The following CCDC88C variants were observed in gnomAD, a reference collection of about 807,000 sequenced individuals.
CCDC88C encodes coiled-coil and HOOK domain protein 88C.
In CCDC88C, 131 loss-of-function variants were observed where a neutral mutation model predicts 198.8. That is an observed-to-expected ratio of 0.66 (90% CI 0.57 to 0.76). The LOEUF is 0.76. Ranked by LOEUF, CCDC88C falls within the 30% of genes least tolerant of loss-of-function variation. The pLI is 0.00. For missense variants in CCDC88C, 2,553 were observed against 2,631.6 expected, an observed-to-expected ratio of 0.97 and a Z score of 0.65; for synonymous variants, 1,166 against 1,114.7, an observed-to-expected ratio of 1.05 and a Z score of -0.92.
intron 3 of CCDC88C, among the ~76,000 whole-genome samples, chr14:91,395,190 T>C (rs768206368): frequency 3.3e-5 from 5 of 152,126 alleles, no homozygotes; most frequent in Admixed American, 6.5e-5. Flanking sequence ...TGTTTTTCCA[T>C]TTCTATTTGG....
chr14:91,389,799 G>T (rs1309353282), intron 3 of CCDC88C, among the ~76,000 whole-genome samples: 2 of 151,870 alleles, frequency 1.3e-5, no homozygotes, highest in Middle Eastern at 3.4e-3. Context: ...TTGGCCAGGC[G>T]CGGTGGCTCA....
rs1596183857 is a variant in CCDC88C, at chr14:91,417,739, T to A, written c.-49A>T. Reference sequence around the variant, plus strand: ...CGCGCCCCCCGCCCCGCGTCCCCGTTCCCCCGCGCCGCGGCACAAAACGGC... The same window carrying A: ...CGCGCCCCCCGCCCCGCGTCCCCGTACCCCCGCGCCGCGGCACAAAACGGC... On this transcript the variant is annotated 5_prime_UTR_variant, in exon 1 of 30. Coordinates refer to ENST00000389857, the MANE Select transcript of CCDC88C (RefSeq NM_001080414.4). 3 of 1,422,752 alleles carry A rather than the reference T, an allele frequency of 2.1e-6. No homozygotes were observed. In the South Asian group the frequency reaches 4.0e-5, roughly 19 times the overall value. The allele number at this position is 1,422,752 out of a possible 1,614,324, so 88.1% of individuals were successfully genotyped here.
chr14:91,392,428 G>A (rs1027128416), intron 3 of CCDC88C, among the ~76,000 whole-genome samples: 8 of 152,122 alleles, frequency 5.3e-5, no homozygotes, highest in Non-Finnish European at 1.2e-4. Flanking sequence ...GGCTAGAGGA[G>A]GAGAACCTTT....
chr14:91,409,688 A>AT (rs1461767961), intron 2 of CCDC88C, among the ~76,000 whole-genome samples: 1 of 151,778 alleles, frequency 6.6e-6, no homozygotes, highest in African/African-American at 2.4e-5. Context: ...GGGTTTCACC[A>AT]TGTTGGCCAG....
At chr14:91,337,074 G>A (rs1893081026) in intron 10 of CCDC88C, among the ~76,000 whole-genome samples, 1 of 152,202 alleles carries the variant, frequency 6.6e-6, no homozygotes, top group Non-Finnish European at 1.5e-5. Flanking sequence ...CTTGGAATAG[G>A]CAATGGGAAA....
rs753911748 is a variant in CCDC88C at position 91,417,740 on chromosome 14, C to T, written c.-50G>A. The T allele has an allele frequency of 2.0e-5, 29 of 1,426,552 alleles. 1 individual carries two copies. In the East Asian group the frequency reaches 7.6e-4, roughly 37 times the overall value. 88.4% of individuals were successfully genotyped at this position (1,426,552 alleles called of 1,614,324 possible). On this transcript the variant is annotated 5_prime_UTR_variant, in exon 1 of 30. Transcript: ENST00000389857. ...GCGCCCCCCGCCCCGCGTCCCCGTT[C>T]CCCCGCGCCGCGGCACAAAACGGCT...
rs772158580 is a variant in CCDC88C at position 91,301,791 on chromosome 14, C to G, written c.3636-1721G>C. Among the ~76,000 whole-genome samples the G allele has an allele frequency of 5.4e-4, 82 of 152,328 alleles. 1 individual carries two copies. The highest frequency in any genetic ancestry group is 1.8e-3 in the African/African-American group (76 of 41,572). ...ATAACATAACACTAAGAATAAGGCA[C>G]GCAAGTGCCTGGTGAGTGCTGGGCA... On this transcript the variant is annotated intron_variant, in intron 20 of 29. Coordinates refer to ENST00000389857, the MANE Select transcript of CCDC88C (RefSeq NM_001080414.4).
At chr14:91,412,266 T>A (rs1031385054) in intron 2 of CCDC88C, among the ~76,000 whole-genome samples, 10 of 152,092 alleles carry the variant, frequency 6.6e-5, no homozygotes, top group African/African-American at 2.4e-4. Context: ...CATATTTGTA[T>A]AAAAATATTA....
intron 10 of CCDC88C, among the ~76,000 whole-genome samples, chr14:91,327,424 T>C (rs1263460041): frequency 6.6e-6 from 1 of 152,124 alleles, no homozygotes; most frequent in Non-Finnish European, 1.5e-5. Flanking sequence ...AGAGACCACA[T>C]CTACTATGTG....
At chr14:91,311,458 A>G (rs1205142550) in intron 15 of CCDC88C, among the ~76,000 whole-genome samples, 1 of 152,124 alleles carries the variant, frequency 6.6e-6, no homozygotes, top group Non-Finnish European at 1.5e-5. Flanking sequence ...ATGCAGCATG[A>G]TCTTCCTCAC....
At position 91,321,369 on chromosome 14, in the gene CCDC88C, G is replaced by A. The variant is rs1425744311; in HGVS notation, c.1343-65C>T. 3.3e-6 allele frequency: 5 copies of A among 1,498,292 alleles called. No individual in the cohort carries two copies. The Admixed American group carries it at 5.9e-5, about 18-fold the overall frequency. The allele number at this position is 1,498,292 out of a possible 1,614,324, so 92.8% of individuals were successfully genotyped here. On this transcript the variant is annotated intron_variant, in intron 12 of 29. Transcript: ENST00000389857. ...CCTCCACTTCCACTCTCTGCCCCAA[G>A]CTCCGAGATGGTCATCAGTCCCGGA...
intron 16 of CCDC88C, among the ~76,000 whole-genome samples, chr14:91,308,766 C>T (rs536902502): frequency 7.1e-4 from 108 of 152,216 alleles, no homozygotes; most frequent in Admixed American, 1.3e-3. Flanking sequence ...GCCATTTTAC[C>T]GAAGGGGAAA....
rs1281069691 is a variant in CCDC88C at position 91,325,112 on chromosome 14, G to C, written c.1198-189C>G. On this transcript the variant is annotated intron_variant, in intron 11 of 29. Coordinates refer to ENST00000389857, the MANE Select transcript of CCDC88C (RefSeq NM_001080414.4). The surrounding 1 kb of genome is among the most constrained non-coding windows in gnomAD (Gnocchi z 4.1). ...GCTATGAGAGGGAAAGCCACTCAAA[G>C]GTACCCTGACCTGGCTACCTAGGTT... 6.6e-6 allele frequency among the ~76,000 whole-genome samples: 1 copy of C among 152,166 alleles called. No homozygotes were observed. The highest frequency in any genetic ancestry group is 2.4e-5 in the African/African-American group (1 of 41,430).
In CCDC88C at chr14:91,313,207, C is replaced by A. The variant is rs369010662; in HGVS notation, c.2609G>T (p.Arg870Leu). Residue 870 changes from arginine to leucine, a missense_variant, in exon 15 of 30, where the codon CGC becomes CTC. Around this residue, in one of 2 missense-constraint regions of CCDC88C, gnomAD observed 1,260 missense variants for 1,412.0 expected, o/e 0.89. Coordinates refer to ENST00000389857, the MANE Select transcript of CCDC88C (RefSeq NM_001080414.4). The surrounding 1 kb of genome is among the most constrained non-coding windows in gnomAD (Gnocchi z 5.2). ...GCGGGCCAGCTCCTTGTCCAGCGCG[C>A]GGCTCTCCTTCTCAACGGCGGACAG... The part of the protein sequence containing the change: ...AKLSAVEKES[R>L]ALDKELARCR... 1 of 1,613,750 alleles carries A rather than the reference C, an allele frequency of 6.2e-7. No homozygotes were observed. Among genetic ancestry groups the A allele is most frequent in the Non-Finnish European group, 8.5e-7 (1 of 1,179,892 alleles).
chr14:91,273,437 C>T lies in CCDC88C; in HGVS notation c.5275G>A (p.Glu1759Lys). 1 of 1,584,672 alleles carries T rather than the reference C, an allele frequency of 6.3e-7. No homozygotes were observed. The highest frequency in any genetic ancestry group is 8.6e-7 in the Non-Finnish European group (1 of 1,163,430). The change falls in exon 30 of 30, where the codon GAG (glutamate) becomes AAG (lysine). Residue 1759 changes from glutamate (E) to lysine (K), a missense_variant. This residue lies in a region of CCDC88C where 1,293 missense variants were observed against 1,219.6 expected (regional missense o/e 1.06). Transcript: ENST00000389857. The surrounding 1 kb of genome is among the most constrained non-coding windows in gnomAD (Gnocchi z 5.6). ...GCCACGCTGGGTGGGGCCTCGGCCT[C>T]AGTCAGTCTGAAGTTTGGCTTTACG... ...QYVKPNFRLT[E>K]AEAPPSVAPR... is the part of the protein sequence containing the mutation.
At chr14:91,289,427 T>A in intron 24 of CCDC88C, 84 bp from the exon 25 acceptor site, 1 of 1,202,684 alleles carries the variant, frequency 8.3e-7, no homozygotes, top group Non-Finnish European at 1.2e-6. Context: ...TGGGCTGGGA[T>A]GTTCTTCCCC....
rs1193175926 is a variant in CCDC88C, at chr14:91,305,550, T to C, written c.3357+215A>G. ...AGAGAAATGAAATGAAAATGGCCCA[T>C]GCAGCCATTTTCTCAATCACTGAAA... On this transcript the variant is annotated intron_variant, in intron 19 of 29. Transcript: ENST00000389857. Among the ~76,000 whole-genome samples the C allele has an allele frequency of 4.6e-5, 7 of 152,158 alleles. No homozygotes were observed. In the South Asian group the frequency reaches 1.0e-3, roughly 23 times the overall value.
chr14:91,405,903 GC>G (rs776913318), intron 3 of CCDC88C, among the ~76,000 whole-genome samples: 1 of 152,264 alleles, frequency 6.6e-6, no homozygotes, highest in Non-Finnish European at 1.5e-5. Context: ...TCCCTGGTCA[GC>G]AGCAAGTACT....
rs1326808004 is a variant in CCDC88C at position 91,352,161 on chromosome 14, G to A, written c.340+7481C>T. On this transcript the variant is annotated intron_variant, in intron 4 of 29. Coordinates refer to ENST00000389857, the MANE Select transcript of CCDC88C (RefSeq NM_001080414.4). The surrounding 1 kb of genome is among the most constrained non-coding windows in gnomAD (Gnocchi z 4.2). ...GCATCTCTTCCCTCCTCCGCAGACG[G>A]CGGTGGCCACAGAGAGTAGGGCTGC... Among the ~76,000 whole-genome samples the A allele has an allele frequency of 6.6e-6, 1 of 152,244 alleles. No individual in the cohort carries two copies. The highest frequency in any genetic ancestry group is 1.5e-5 in the Non-Finnish European group (1 of 68,048).
Sources: gnomAD v4.1 joint callset for allele counts (sites outside exome capture counted in the v4.1 genomes callset) on GRCh38, gnomAD v4.1.1 for gene constraint, gnomAD v4.1.1 regional missense constraint, Gnocchi (gnomAD v3.1) non-coding constraint, MANE v1.5 for transcripts, NCBI Gene and HGNC (gene_info 2026-07-23, HGNC 2026-07-21) for gene names.